CEP63: variants seen among roughly 807,000 people sequenced by gnomAD.
CEP63 encodes the protein centrosomal protein of 63 kDa.
CEP63 carries 84 observed loss-of-function variants against 89.1 expected under a neutral mutation model. That is an observed-to-expected ratio of 0.94 (90% confidence interval 0.79 to 1.13). The LOEUF is 1.13. CEP63 is among the 50% of genes most tolerant of loss of function. The pLI, the probability that CEP63 is intolerant of heterozygous loss-of-function variation, is 0.00. For synonymous variants in CEP63, 267 were observed against 272.5 expected (o/e 0.98, Z 0.20); for missense variants, 838 against 813.3 (o/e 1.03, Z -0.37).
At chr3:134,620,852 T>C in the CEP63 span, 5 of 1,608,142 alleles carry the variant, frequency 3.1e-6, no homozygotes, top group East Asian at 8.9e-5. Context: ...CACTCTTGGC[T>C]GTCACCTGGG....
At chr3:134,554,193 A>G (rs1040366878) in intron 12 of CEP63, among the ~76,000 whole-genome samples, 1 of 151,746 alleles carries the variant, frequency 6.6e-6, no homozygotes, top group Non-Finnish European at 1.5e-5. Context: ...CTAACTCGTT[A>G]TCTAGCATTA....
chr3:134,637,690 G>A, the CEP63 span, among the ~76,000 whole-genome samples: 1 of 152,158 alleles, frequency 6.6e-6, no homozygotes, highest in Non-Finnish European at 1.5e-5. Context: ...TTAATTTATC[G>A]CTTCAGGCAG....
In CEP63 at chr3:134,545,569, A is replaced by G. The variant is rs1953106027; in HGVS notation, c.556-17A>G. 1 of 1,545,526 alleles carries G rather than the reference A, an allele frequency of 6.5e-7. No individual in the cohort carries two copies. Among genetic ancestry groups the G allele is most frequent in the African/African-American group, 1.4e-5 (1 of 73,490 alleles). ...TCATTTCCCTTTTACCTATTGATTG[A>G]TAGTCTGTGTTTCTAGGCTCAGCTT... On this transcript the variant is annotated splice_polypyrimidine_tract_variant and intron_variant, in intron 6 of 14. Coordinates refer to ENST00000675561, the MANE Select transcript of CEP63 (RefSeq NM_001353108.3).
the CEP63 span, among the ~76,000 whole-genome samples, chr3:134,726,695 A>G: frequency 1.3e-5 from 2 of 152,092 alleles, no homozygotes; most frequent in African/African-American, 2.4e-5. Context: ...GATCCCGGCC[A>G]TGGCTGGTCC....
chr3:134,729,451 G>A, the CEP63 span, among the ~76,000 whole-genome samples: 13 of 152,108 alleles, frequency 8.5e-5, no homozygotes, highest in African/African-American at 2.9e-4. Flanking sequence ...TGCCTGCATA[G>A]CATTCCACTG....
chr3:134,722,748 T>G, the CEP63 span, among the ~76,000 whole-genome samples: 1 of 152,188 alleles, frequency 6.6e-6, no homozygotes, highest in Non-Finnish European at 1.5e-5. Context: ...TTTCTTTATT[T>G]ATTCACTCTG....
At chr3:134,628,355 G>A in the CEP63 span, among the ~76,000 whole-genome samples, 1 of 152,182 alleles carries the variant, frequency 6.6e-6, no homozygotes, top group African/African-American at 2.4e-5. Flanking sequence ...GTAGCCAATA[G>A]TTATTAGACT....
chr3:134,769,427 G>T, the CEP63 span, among the ~76,000 whole-genome samples: 6 of 152,180 alleles, frequency 3.9e-5, no homozygotes, highest in Non-Finnish European at 7.3e-5. Context: ...ACACATTCAG[G>T]TCACCTGGGA....
the CEP63 span, among the ~76,000 whole-genome samples, chr3:134,669,579 A>G: frequency 6.6e-6 from 1 of 152,078 alleles, no homozygotes; most frequent in Non-Finnish European, 1.5e-5. Context: ...GGTGTGGATC[A>G]TTAAATATTT....
chr3:134,639,081 T>TTC, the CEP63 span, among the ~76,000 whole-genome samples: 1 of 151,328 alleles, frequency 6.6e-6, no homozygotes, highest in African/African-American at 2.4e-5. Context: ...TTTTTTTTTT[T>TTC]TTTTCCTGCA....
chr3:134,689,509 T>G, the CEP63 span, among the ~76,000 whole-genome samples: 1 of 151,972 alleles, frequency 6.6e-6, no homozygotes, highest in Admixed American at 6.6e-5. Context: ...TGGAGTACAG[T>G]GGCATGAGCT....
the CEP63 span, among the ~76,000 whole-genome samples, chr3:134,749,854 C>A: frequency 6.6e-6 from 1 of 150,422 alleles, no homozygotes; most frequent in South Asian, 2.1e-4. Flanking sequence ...ATGGAGCAAG[C>A]AGGACAGACA....
the CEP63 span, among the ~76,000 whole-genome samples, chr3:134,717,281 T>G: frequency 2.0e-5 from 3 of 152,170 alleles, no homozygotes; most frequent in African/African-American, 7.2e-5. Context: ...GGAAACTCAG[T>G]TAGTTTTCAG....
the CEP63 span, among the ~76,000 whole-genome samples, chr3:134,646,179 A>G: frequency 3.9e-5 from 6 of 152,130 alleles, no homozygotes; most frequent in Admixed American, 3.3e-4. Flanking sequence ...AAAATTCTCA[A>G]TAACCCATAG....
intron 12 of CEP63, among the ~76,000 whole-genome samples, chr3:134,555,560 T>C (rs1955969193): frequency 1.3e-5 from 2 of 151,530 alleles, no homozygotes; most frequent in African/African-American, 4.9e-5. Context: ...GGAATCCAAC[T>C]TACAAGGGAT....
chr3:134,512,808 G>C (rs1236617716), intron 3 of CEP63, among the ~76,000 whole-genome samples: 1 of 151,996 alleles, frequency 6.6e-6, no homozygotes, highest in African/African-American at 2.4e-5. Context: ...TTAATTTTTT[G>C]TTAGATTAAT....
At chr3:134,618,431 G>T in the CEP63 span, among the ~76,000 whole-genome samples, 3 of 152,170 alleles carry the variant, frequency 2.0e-5, no homozygotes, top group South Asian at 2.1e-4. Flanking sequence ...CCTGGGGAGG[G>T]GTTCTTTGAT....
the CEP63 span, chr3:134,628,199 C>T: frequency 9.3e-6 from 2 of 214,490 alleles, no homozygotes. Flanking sequence ...TAAGAACTGA[C>T]CATGGATGGA....
At chr3:134,648,402 C>T in the CEP63 span, among the ~76,000 whole-genome samples, 1 of 152,192 alleles carries the variant, frequency 6.6e-6, no homozygotes, top group South Asian at 2.1e-4. Flanking sequence ...TCATGACACA[C>T]CTATGGAGTA....
Sources: gnomAD v4.1 joint callset for allele counts (sites outside exome capture counted in the v4.1 genomes callset) on GRCh38, gnomAD v4.1.1 for gene constraint, MANE v1.5 for transcripts, NCBI Gene and HGNC (gene_info 2026-07-23, HGNC 2026-07-21) for gene names.